The following SDCCAG8 variants were observed in gnomAD, a reference collection of about 807,000 sequenced individuals.
The protein encoded by SDCCAG8 is serologically defined colon cancer antigen 8.
A neutral mutation model predicts 101.8 loss-of-function variants in SDCCAG8; 74 were observed. The ratio of observed to expected loss-of-function variants is 0.73; its 90% CI spans 0.60 to 0.88. The LOEUF (loss-of-function observed/expected upper bound fraction) is 0.88, where lower values mean the gene tolerates loss of function less well. Ranked by LOEUF, SDCCAG8 falls within the 40% of genes least tolerant of loss-of-function variation. The pLI, the probability that SDCCAG8 is intolerant of heterozygous loss-of-function variation, is 0.00. For missense variants in SDCCAG8, 787 were observed against 822.6 expected, an observed-to-expected ratio of 0.96 and a Z score of 0.53; for synonymous variants, 281 against 292.9, an observed-to-expected ratio of 0.96 and a Z score of 0.41.
At chr1:243,286,177 T>C (rs1021817504) in intron 4 of SDCCAG8, 95 bp from the exon 5 acceptor site, 71 of 1,234,292 alleles carry the variant, frequency 5.8e-5, no homozygotes, top group Non-Finnish European at 7.6e-5. Flanking sequence ...AGAACATAAG[T>C]CTTCCGTACT....
intron 1 of SDCCAG8, among the ~76,000 whole-genome samples, chr1:243,265,201 A>T (rs2067492294): frequency 6.6e-6 from 1 of 152,230 alleles, no homozygotes; most frequent in African/African-American, 2.4e-5. Context: ...TATGTATTTG[A>T]AAAGCACTTA....
chr1:243,497,569 GCTCCGATA>G lies in SDCCAG8; in HGVS notation c.2113-2186_2113-2179del, dbSNP rs199689943. 6.9e-3 allele frequency among the ~76,000 whole-genome samples: 1,050 copies of G among 152,278 alleles called. 19 individuals are homozygous for G. Among genetic ancestry groups the G allele is most frequent in the African/African-American group, 0.024 (988 of 41,550 alleles). On this transcript the variant is annotated intron_variant, in intron 17 of 17. Coordinates refer to ENST00000366541, the MANE Select transcript of SDCCAG8 (RefSeq NM_006642.5). ...CAGGAGGTCACCCGTTTCTGGAACA[GCTCCGATA>G]GTGATAAATTGCTAGGTGGCCTGGG...
intron 13 of SDCCAG8, among the ~76,000 whole-genome samples, chr1:243,410,829 G>A (rs936322685): frequency 5.3e-5 from 8 of 152,226 alleles, no homozygotes; most frequent in South Asian, 4.2e-4. Context: ...CTTCAGTGCC[G>A]TTTCTAAAAA....
chr1:243,271,115 T>G (rs781541807), intron 3 of SDCCAG8, 52 bp downstream of exon 3: 52 of 1,298,510 alleles, frequency 4.0e-5, no homozygotes, highest in Non-Finnish European at 2.1e-5. Flanking sequence ...TTTACTGTAT[T>G]GTGTTATTTT....
intron 13 of SDCCAG8, among the ~76,000 whole-genome samples, chr1:243,402,248 G>A (rs1219946617): frequency 6.6e-6 from 1 of 151,900 alleles, no homozygotes; most frequent in African/African-American, 2.4e-5. Context: ...GCCAACATCG[G>A]GAAACCTTGT....
intron 12 of SDCCAG8, among the ~76,000 whole-genome samples, chr1:243,350,631 A>G (rs780457975): frequency 1.1e-4 from 16 of 152,234 alleles, no homozygotes; most frequent in Non-Finnish European, 1.9e-4. Flanking sequence ...CAAGGATTTG[A>G]CAAATTATTT....
intron 16 of SDCCAG8, among the ~76,000 whole-genome samples, chr1:243,479,408 C>T (rs1473290489): frequency 2.0e-5 from 3 of 152,168 alleles, no homozygotes; most frequent in African/African-American, 7.2e-5. Context: ...CGCAGCTACT[C>T]GGCCGTTATG....
chr1:243,429,529 G>A lies in SDCCAG8; in HGVS notation c.1985+2971G>A, dbSNP rs560697488. 5.3e-5 allele frequency among the ~76,000 whole-genome samples: 8 copies of A among 152,056 alleles called. No individual in the cohort carries two copies. The South Asian group carries it at 1.7e-3, about 32-fold the overall frequency. On this transcript the variant is annotated intron_variant, in intron 16 of 17. Coordinates refer to ENST00000366541, the MANE Select transcript of SDCCAG8 (RefSeq NM_006642.5). ...AGGAGAAATATATTTTGTGGTACAA[G>A]TACATTTAATAAGGGAACTTGTTTT...
intron 4 of SDCCAG8, among the ~76,000 whole-genome samples, chr1:243,278,966 T>C (rs965172375): frequency 1.3e-5 from 2 of 151,954 alleles, no homozygotes; most frequent in African/African-American, 4.8e-5. Context: ...ATTATTATTA[T>C]TATTTGTAGA....
rs201952287 is a variant in SDCCAG8, at chr1:243,426,393, C to T, written c.1854-34C>T. On this transcript the variant is annotated intron_variant, in intron 15 of 17. Coordinates refer to ENST00000366541, the MANE Select transcript of SDCCAG8 (RefSeq NM_006642.5). ...CAATATGCCCTAGTAATAAGAACTT[C>T]TAACATCTATTATTTTTGTGTTTTC... 1.3e-4 allele frequency: 210 copies of T among 1,589,540 alleles called. No individual in the cohort carries two copies. In the African/African-American group the frequency reaches 2.4e-3, roughly 18 times the overall value.
At chr1:243,286,499 G>A in intron 5 of SDCCAG8, 102 bp downstream of exon 5, 1 of 1,241,778 alleles carries the variant, frequency 8.1e-7, no homozygotes, top group Admixed American at 1.9e-5. Context: ...CCTGAAGTGT[G>A]GCCAAAGTAC....
intron 16 of SDCCAG8, among the ~76,000 whole-genome samples, chr1:243,447,248 C>CA (rs397830130): frequency 0.66 from 27,198 of 41,358 alleles, 10,646 homozygotes; most frequent in East Asian, 0.77. Context: ...GACTTCGTCT[C>CA]AAAAAAAAAA....
At chr1:243,323,884 T>C (rs1447514070) in intron 9 of SDCCAG8, among the ~76,000 whole-genome samples, 2 of 152,326 alleles carry the variant, frequency 1.3e-5, no homozygotes, top group Non-Finnish European at 2.9e-5. Context: ...AGCTGATATG[T>C]TACTCTCATG....
rs532222004 is a variant in SDCCAG8, at chr1:243,400,161, G to A, written c.1617-15541G>A. Among the ~76,000 whole-genome samples, 19 of 152,318 alleles carry A rather than the reference G, an allele frequency of 1.2e-4. No homozygotes were observed. In the South Asian group the frequency reaches 3.9e-3, roughly 32 times the overall value. ...TTCAACAGGCTAAACCAGGTTTCTT[G>A]ACAGTAGGGCTTCTCAGCGTTTTTA... On this transcript the variant is annotated intron_variant, in intron 13 of 17. Coordinates refer to ENST00000366541, the MANE Select transcript of SDCCAG8 (RefSeq NM_006642.5).
Position 243,317,319 on chromosome 1 carries a change from A to ATT in SDCCAG8, c.1068+444_1068+445dup, listed in dbSNP as rs34669151. 6.7e-3 allele frequency among the ~76,000 whole-genome samples: 894 copies of ATT among 133,528 alleles called. 7 individuals carry two copies. The highest frequency in any genetic ancestry group is 9.6e-3 in the Non-Finnish European group (601 of 62,378). The allele number at this position is 133,528 out of a possible 152,430, so 87.6% of individuals were successfully genotyped here. ...CAATAATATATACATATTTAGTAGC[A>ATT]TTTTTTTTTTTTTTTTTTTGAGACA... On this transcript the variant is annotated intron_variant, in intron 9 of 17. Transcript: ENST00000366541.
intron 12 of SDCCAG8, among the ~76,000 whole-genome samples, chr1:243,352,394 G>A (rs1024787278): frequency 6.6e-6 from 1 of 152,184 alleles, no homozygotes; most frequent in Non-Finnish European, 1.5e-5. Flanking sequence ...TGGATGACAT[G>A]TGTTTTGGTT....
intron 13 of SDCCAG8, among the ~76,000 whole-genome samples, chr1:243,398,135 C>T (rs1167790839): frequency 2.0e-5 from 3 of 152,184 alleles, no homozygotes; most frequent in Non-Finnish European, 4.4e-5. Flanking sequence ...ACACTGCTCA[C>T]AGAGATTAAA....
At chr1:243,356,431 T>G (rs202030701) in intron 12 of SDCCAG8, among the ~76,000 whole-genome samples, 1,398 of 59,130 alleles carry the variant, frequency 0.024, 2 homozygotes, top group South Asian at 0.037. Flanking sequence ...GGGGGGGTGG[T>G]GGGGGAAGTG....
At chr1:243,408,501 G>A (rs2079945729) in intron 13 of SDCCAG8, among the ~76,000 whole-genome samples, 1 of 152,190 alleles carries the variant, frequency 6.6e-6, no homozygotes, top group Non-Finnish European at 1.5e-5. Flanking sequence ...GAAAGAAGAA[G>A]GAGAACTAGC....
Sources: gnomAD v4.1 joint callset for allele counts (sites outside exome capture counted in the v4.1 genomes callset) on GRCh38, gnomAD v4.1.1 for gene constraint, MANE v1.5 for transcripts, NCBI Gene and HGNC (gene_info 2026-07-23, HGNC 2026-07-21) for gene names.